RAB3C: variants seen among roughly 807,000 people sequenced by gnomAD.
RAB3C encodes ras-related protein Rab-3C.
Under a neutral mutation model 26.4 loss-of-function variants are expected in RAB3C, and 17 were observed. The observed-to-expected ratio is 0.64, with a 90% CI of 0.44 to 0.97. The LOEUF (loss-of-function observed/expected upper bound fraction) is 0.97, where lower values mean the gene tolerates loss of function less well. Ranked by LOEUF, RAB3C falls within the 50% of genes least tolerant of loss-of-function variation. The pLI, the probability that RAB3C is intolerant of heterozygous loss-of-function variation, is 0.00. For synonymous variants in RAB3C, 91 were observed against 95.9 expected, an observed-to-expected ratio of 0.95 and a Z score of 0.30; for missense variants, 242 against 281.9, an observed-to-expected ratio of 0.86 and a Z score of 1.01.
At chr5:58,596,547 A>G (rs987810026) in intron 1 of RAB3C, among the ~76,000 whole-genome samples, 2 of 131,326 alleles carry the variant, frequency 1.5e-5, no homozygotes, top group Non-Finnish European at 3.1e-5. Flanking sequence ...ATATAATACT[A>G]TATAATACAT....
chr5:58,824,256 C>T (rs1157854302), intron 3 of RAB3C, among the ~76,000 whole-genome samples: 1 of 150,888 alleles, frequency 6.6e-6, no homozygotes, highest in African/African-American at 2.5e-5. Context: ...AAACAATAAA[C>T]TTATTGGCTA....
At chr5:58,798,720 A>T (rs1476319492) in intron 3 of RAB3C, among the ~76,000 whole-genome samples, 2 of 152,236 alleles carry the variant, frequency 1.3e-5, no homozygotes, top group Admixed American at 1.3e-4. Context: ...ATCTCATTAT[A>T]GTTATGCAAA....
intron 3 of RAB3C, among the ~76,000 whole-genome samples, chr5:58,804,634 GGAGA>G (rs1259330901): frequency 6.6e-6 from 1 of 151,890 alleles, no homozygotes; most frequent in African/African-American, 2.4e-5. Context: ...TGAATGCCAG[GGAGA>G]GAAAGTCACA....
At chr5:58,612,518 GTGTATATA>G (rs1435607786) in intron 1 of RAB3C, among the ~76,000 whole-genome samples, 30 of 40,570 alleles carry the variant, frequency 7.4e-4, no homozygotes, top group African/African-American at 2.2e-3. Flanking sequence ...GTGTGTGTGT[GTGTATATA>G]TATATATATA....
intron 2 of RAB3C, among the ~76,000 whole-genome samples, chr5:58,657,568 A>G (rs1747809473): frequency 6.6e-6 from 1 of 152,156 alleles, no homozygotes; most frequent in Non-Finnish European, 1.5e-5. Flanking sequence ...GATCCGCAGG[A>G]AGGTCACTAG....
intron 2 of RAB3C, among the ~76,000 whole-genome samples, chr5:58,674,873 T>TACATA: frequency 6.7e-6 from 1 of 149,308 alleles, no homozygotes. Context: ...AAAAAAAAGG[T>TACATA]CTTTATAAAC....
At position 58,736,368 on chromosome 5, in the gene RAB3C, C is replaced by G. The variant is rs200971113; in HGVS notation, c.371+10248C>G. Among the ~76,000 whole-genome samples, 43 of 152,342 alleles carry G rather than the reference C, an allele frequency of 2.8e-4. No individual in the cohort carries two copies. The East Asian group carries it at 4.6e-3, about 16-fold the overall frequency. ...CAAGCATGTAGATATTGAGCGCATTCTCCAACTGCAGGTCCACCTTTGCAT... is the reference window on the plus strand; with the variant it reads ...CAAGCATGTAGATATTGAGCGCATTGTCCAACTGCAGGTCCACCTTTGCAT... On this transcript the variant is annotated intron_variant, in intron 3 of 4. Transcript: ENST00000282878.
At chr5:58,760,786 C>G (rs908044191) in intron 3 of RAB3C, among the ~76,000 whole-genome samples, 1 of 152,150 alleles carries the variant, frequency 6.6e-6, no homozygotes, top group Non-Finnish European at 1.5e-5. Flanking sequence ...ATTTCTGCCT[C>G]CAAGGAACTT....
chr5:58,778,083 C>A (rs895905400), intron 3 of RAB3C, among the ~76,000 whole-genome samples: 4 of 152,054 alleles, frequency 2.6e-5, no homozygotes, highest in Admixed American at 1.3e-4. Flanking sequence ...GAAATTAGAA[C>A]ACTATATTTT....
chr5:58,664,031 C>G (rs1332466023), intron 2 of RAB3C, among the ~76,000 whole-genome samples: 1 of 152,002 alleles, frequency 6.6e-6, no homozygotes, highest in Non-Finnish European at 1.5e-5. Context: ...GGAATAGGGA[C>G]CTTTGATAAG....
chr5:58,770,668 T>A (rs1215503491), intron 3 of RAB3C, among the ~76,000 whole-genome samples: 3 of 152,146 alleles, frequency 2.0e-5, no homozygotes, highest in Non-Finnish European at 4.4e-5. Flanking sequence ...AACCTTGGGA[T>A]CTCTTTAAAC....
At chr5:58,735,926 C>A (rs983827212) in intron 3 of RAB3C, among the ~76,000 whole-genome samples, 2 of 152,148 alleles carry the variant, frequency 1.3e-5, no homozygotes, top group Non-Finnish European at 2.9e-5. Flanking sequence ...AGAGCTTTCC[C>A]AATCTCCAGC....
At chr5:58,749,814 A>G (rs1482082940) in intron 3 of RAB3C, among the ~76,000 whole-genome samples, 1 of 152,260 alleles carries the variant, frequency 6.6e-6, no homozygotes, top group African/African-American at 2.4e-5. Context: ...TTAGCCTTGC[A>G]GCTATTTTAG....
At chr5:58,609,357 T>C (rs1321837553) in intron 1 of RAB3C, among the ~76,000 whole-genome samples, 1 of 152,106 alleles carries the variant, frequency 6.6e-6, no homozygotes, top group African/African-American at 2.4e-5. Flanking sequence ...GAAAAATGTC[T>C]CATTTTTCCA....
chr5:58,601,590 A>G (rs1055156430), intron 1 of RAB3C, among the ~76,000 whole-genome samples: 3 of 152,050 alleles, frequency 2.0e-5, no homozygotes, highest in Non-Finnish European at 4.4e-5. Context: ...TATTTTTTCC[A>G]GGAATTTATC....
At chr5:58,782,938 AT>A (rs948918634) in intron 3 of RAB3C, among the ~76,000 whole-genome samples, 52 of 150,290 alleles carry the variant, frequency 3.5e-4, no homozygotes, top group Admixed American at 7.3e-4. Flanking sequence ...CCATAATGTT[AT>A]TTTTTTTTTA....
intron 1 of RAB3C, among the ~76,000 whole-genome samples, chr5:58,610,621 T>G (rs1390710171): frequency 6.6e-6 from 1 of 152,128 alleles, no homozygotes; most frequent in Admixed American, 6.6e-5. Flanking sequence ...CCCATCCTTA[T>G]TTTTACCCTT....
At chr5:58,623,700 G>A (rs940762400) in intron 2 of RAB3C, among the ~76,000 whole-genome samples, 2 of 152,144 alleles carry the variant, frequency 1.3e-5, no homozygotes, top group African/African-American at 4.8e-5. Flanking sequence ...AGGATGGTAC[G>A]GGCATTGTTC....
At chr5:58,634,442 GTTTC>G (rs1325990895) in intron 2 of RAB3C, among the ~76,000 whole-genome samples, 1 of 152,038 alleles carries the variant, frequency 6.6e-6, no homozygotes, top group Non-Finnish European at 1.5e-5. Context: ...CTCAATTCTA[GTTTC>G]TTTATCTGTA....
Sources: gnomAD v4.1 joint callset for allele counts (sites outside exome capture counted in the v4.1 genomes callset) on GRCh38, gnomAD v4.1.1 for gene constraint, MANE v1.5 for transcripts, NCBI Gene and HGNC (gene_info 2026-07-23, HGNC 2026-07-21) for gene names.